WARS2: variants seen among roughly 807,000 people sequenced by gnomAD.
WARS2 encodes tryptophanyl tRNA synthetase 2, mitochondrial, also known as tryptophan--tRNA ligase, mitochondrial.
A neutral mutation model predicts 36.5 loss-of-function variants in WARS2; 28 were observed. That is an observed-to-expected ratio of 0.77 (90% CI 0.57 to 1.05). The LOEUF is 1.05. Among genes scored for constraint, WARS2 ranks in the 50% least tolerant of loss-of-function variants. WARS2 has a pLI of 0.00. For synonymous variants in WARS2, 174 were observed against 178.4 expected (o/e 0.98, Z 0.20); for missense variants, 435 against 456.8 (o/e 0.95, Z 0.44).
At chr1:119,082,330 C>A in intron 1 of WARS2, 2 of 985,410 alleles carry the variant, frequency 2.0e-6, no homozygotes, top group African/African-American at 3.5e-5. Flanking sequence ...CTTACACGTG[C>A]TGTACCTACC....
chr1:119,118,011 C>T (rs1466412650), intron 1 of WARS2, among the ~76,000 whole-genome samples: 1 of 152,078 alleles, frequency 6.6e-6, no homozygotes, highest in African/African-American at 2.4e-5. Context: ...AGTAATGTGA[C>T]AAAACAAGGT....
chr1:119,096,537 C>T (rs1208187250), intron 1 of WARS2, among the ~76,000 whole-genome samples: 3 of 151,934 alleles, frequency 2.0e-5, no homozygotes, highest in Admixed American at 6.6e-5. Context: ...TATAATTTTT[C>T]AATAGCTTCA....
chr1:119,112,609 C>T (rs1032699106), intron 1 of WARS2, among the ~76,000 whole-genome samples: 83 of 152,138 alleles, frequency 5.5e-4, no homozygotes, highest in African/African-American at 1.7e-3. Flanking sequence ...CACAAAAATA[C>T]GGTGCTCATG....
At chr1:119,054,751 T>C (rs1168667410) in intron 2 of WARS2, among the ~76,000 whole-genome samples, 1 of 152,134 alleles carries the variant, frequency 6.6e-6, no homozygotes, top group Non-Finnish European at 1.5e-5. Context: ...CATGCTACAA[T>C]ATGAATGAAC....
At chr1:119,111,299 C>A (rs1654617362) in intron 1 of WARS2, among the ~76,000 whole-genome samples, 1 of 152,130 alleles carries the variant, frequency 6.6e-6, no homozygotes, top group Admixed American at 6.6e-5. Flanking sequence ...AAGTATTCTA[C>A]AGTCTTATGA....
chr1:119,112,612 T>C (rs983804375), intron 1 of WARS2, among the ~76,000 whole-genome samples: 1 of 152,180 alleles, frequency 6.6e-6, no homozygotes, highest in African/African-American at 2.4e-5. Context: ...AAAAATACGG[T>C]GCTCATGTCT....
At chr1:119,104,625 A>T (rs2101472263) in intron 1 of WARS2, among the ~76,000 whole-genome samples, 1 of 151,068 alleles carries the variant, frequency 6.6e-6, no homozygotes, top group East Asian at 1.9e-4. Flanking sequence ...TGCCATGAAA[A>T]AAAAAAAAAC....
chr1:119,077,196 G>T (rs1198478641), intron 1 of WARS2, among the ~76,000 whole-genome samples: 3 of 150,638 alleles, frequency 2.0e-5, no homozygotes, highest in Non-Finnish European at 2.9e-5. Flanking sequence ...TGGAGATAGA[G>T]GGTATTGTTT....
intron 1 of WARS2, 141 bp downstream of exon 1, chr1:119,140,414 G>C: frequency 1.4e-6 from 1 of 692,876 alleles, no homozygotes; most frequent in East Asian, 2.9e-5. Flanking sequence ...CAGGCCGACA[G>C]TCATAGACGA....
intron 1 of WARS2, among the ~76,000 whole-genome samples, chr1:119,101,111 A>G (rs1653825959): frequency 6.6e-6 from 1 of 152,192 alleles, no homozygotes; most frequent in African/African-American, 2.4e-5. Context: ...GGGTAAAAAC[A>G]TACAGTTCGA....
chr1:119,135,722 A>G (rs1003560150), intron 1 of WARS2, among the ~76,000 whole-genome samples: 9 of 105,298 alleles, frequency 8.5e-5, no homozygotes, highest in Non-Finnish European at 1.7e-4. Context: ...AGACAGATAG[A>G]TAGATAGATA....
At chr1:119,058,290 T>G (rs1445429422) in intron 2 of WARS2, among the ~76,000 whole-genome samples, 1 of 145,540 alleles carries the variant, frequency 6.9e-6, no homozygotes, top group Admixed American at 7.2e-5. Context: ...GTGGGTCTAC[T>G]TCTTGATTCC....
chr1:119,129,112 T>G (rs1444116947), intron 1 of WARS2, among the ~76,000 whole-genome samples: 1 of 152,198 alleles, frequency 6.6e-6, no homozygotes, highest in Non-Finnish European at 1.5e-5. Flanking sequence ...AGTCACAGAC[T>G]GCAAGAGAAT....
chr1:119,063,971 C>G (rs1334519256), intron 2 of WARS2: 2 of 152,146 alleles, frequency 1.3e-5, no homozygotes, highest in Non-Finnish European at 2.9e-5. Context: ...CCTCCAGATC[C>G]CAGAATGGTA....
chr1:119,105,604 A>G (rs1470063501), intron 1 of WARS2, among the ~76,000 whole-genome samples: 1 of 152,128 alleles, frequency 6.6e-6, no homozygotes, highest in Non-Finnish European at 1.5e-5. Context: ...TGTCCTGGAA[A>G]CCAAGGCATT....
At chr1:119,093,103 G>A (rs1358157186) in intron 1 of WARS2, among the ~76,000 whole-genome samples, 1 of 152,080 alleles carries the variant, frequency 6.6e-6, no homozygotes, top group Non-Finnish European at 1.5e-5. Flanking sequence ...TCAAATATAT[G>A]TAGATTACTT....
intron 1 of WARS2, among the ~76,000 whole-genome samples, chr1:119,134,998 A>G (rs1024079194): frequency 2.6e-5 from 4 of 152,244 alleles, no homozygotes; most frequent in Non-Finnish European, 5.9e-5. Flanking sequence ...TGGCAGCAGT[A>G]AGCTGTAAAA....
chr1:119,109,914 T>G (rs1654514764), intron 1 of WARS2, among the ~76,000 whole-genome samples: 1 of 151,882 alleles, frequency 6.6e-6, no homozygotes, highest in Non-Finnish European at 1.5e-5. Flanking sequence ...TTTATTTTTC[T>G]ACATGATTGC....
intron 1 of WARS2, among the ~76,000 whole-genome samples, chr1:119,135,660 C>T (rs1231535102): frequency 1.3e-5 from 2 of 151,976 alleles, no homozygotes; most frequent in Admixed American, 6.6e-5. Context: ...CAGGCACTAG[C>T]TGTTAGTTCC....
Sources: gnomAD v4.1 joint callset for allele counts (sites outside exome capture counted in the v4.1 genomes callset) on GRCh38, gnomAD v4.1.1 for gene constraint, MANE v1.5 for transcripts, NCBI Gene and HGNC (gene_info 2026-07-23, HGNC 2026-07-21) for gene names.